Variants in CRELD1 observed in about 807,000 individuals in gnomAD.
CRELD1 encodes the protein CRELD disulfide isomerase 1, also known as protein disulfide isomerase CRELD1.
A neutral mutation model predicts 58.2 loss-of-function variants in CRELD1; 42 were observed. That is an observed-to-expected ratio of 0.72 (90% confidence interval 0.56 to 0.93). CRELD1 has a LOEUF of 0.93. Among genes scored for constraint, CRELD1 ranks in the 40% least tolerant of loss-of-function variants. CRELD1 has a pLI of 0.00. For missense variants in CRELD1, 500 were observed against 540.6 expected, an observed-to-expected ratio of 0.92 and a Z score of 0.74; for synonymous variants, 222 against 202.0, an observed-to-expected ratio of 1.10 and a Z score of -0.84.
intron 9 of CRELD1, 73 bp from the exon 10 acceptor site, chr3:9,943,308 G>A (rs575057703): frequency 6.3e-7 from 1 of 1,579,518 alleles, no homozygotes; most frequent in African/African-American, 1.8e-5. Flanking sequence ...GGAGTGTTGA[G>A]AGATGGACAA....
At position 9,934,966 on chromosome 3, in the gene CRELD1, C is replaced by T. The variant is rs2085131150; in HGVS notation, c.257+49C>T. ...GTGTATATTCCCCTCCCCGCCAAAT[C>T]TCTGCTCTGCTGGTGTAGGGCTAGG... On this transcript the variant is annotated intron_variant, in intron 3 of 10. Transcript: ENST00000452070. The T allele has an allele frequency of 2.0e-6, 3 of 1,473,648 alleles. No homozygotes were observed. In the East Asian group the frequency reaches 7.1e-5, roughly 35 times the overall value. 91.3% of individuals were successfully genotyped at this position (1,473,648 alleles called of 1,614,324 possible). A position where few individuals can be genotyped will look rare whatever the true frequency, so the allele number is the denominator to read the frequency against.
At chr3:9,942,744 C>T in intron 7 of CRELD1, 69 bp from the exon 8 acceptor site, 1 of 1,246,218 alleles carries the variant, frequency 8.0e-7, no homozygotes, top group Non-Finnish European at 1.2e-6. Flanking sequence ...GACCATTCCC[C>T]AACGGCTCTG....
At chr3:9,935,017 C>A in intron 3 of CRELD1, 100 bp downstream of exon 3, 1 of 958,038 alleles carries the variant, frequency 1.0e-6, no homozygotes, top group Non-Finnish European at 1.6e-6. Context: ...CTTATTCATT[C>A]AACAAATAGC....
At chr3:9,934,665 A>G in intron 2 of CRELD1, 53 bp downstream of exon 2, 1 of 1,590,546 alleles carries the variant, frequency 6.3e-7, no homozygotes, top group Non-Finnish European at 8.6e-7. Flanking sequence ...TAGAGTGGGG[A>G]ACTCTGGGAT....
At chr3:9,938,481 C>T (rs2085257190) in intron 5 of CRELD1, 2 of 229,300 alleles carry the variant, frequency 8.7e-6, no homozygotes, top group Non-Finnish European at 8.7e-6. Flanking sequence ...AAGAGCTGAA[C>T]TTACTACCAG....
chr3:9,935,055 C>A, intron 3 of CRELD1, 138 bp downstream of exon 3: 1 of 712,672 alleles, frequency 1.4e-6, no homozygotes, highest in Non-Finnish European at 2.3e-6. Flanking sequence ...TAGCAGTAAA[C>A]AAGGCAAGCA....
rs570260323 is a variant in CRELD1 at position 9,934,328 on chromosome 3, C to T, written c.-19-92C>T. The T allele has an allele frequency of 7.6e-5, 77 of 1,013,324 alleles. No individual in the cohort carries two copies. The Middle Eastern group carries it at 1.2e-3, about 15-fold the overall frequency. 62.8% of individuals were successfully genotyped at this position (1,013,324 alleles called of 1,614,324 possible). Reference sequence around the variant, plus strand: ...CTCTTTTGCTTGTAATAACGCAGATCCCAGCGCCACGGCACCTTAGAACAG... The same window carrying T: ...CTCTTTTGCTTGTAATAACGCAGATTCCAGCGCCACGGCACCTTAGAACAG... On this transcript the variant is annotated intron_variant, in intron 1 of 10. Transcript: ENST00000452070.
chr3:9,943,551 CAA>C, intron 10 of CRELD1, 36 bp downstream of exon 10: 1 of 1,613,644 alleles, frequency 6.2e-7, no homozygotes, highest in African/African-American at 1.3e-5. Context: ...GGTCCTCATT[CAA>C]AGAGAAGGCA....
Position 9,935,058 on chromosome 3 carries a change from G to A in CRELD1, c.257+141G>A, listed in dbSNP as rs540518593. 56 of 708,220 alleles carry A rather than the reference G, an allele frequency of 7.9e-5. 1 individual carries two copies. The South Asian group carries it at 8.4e-4, about 11-fold the overall frequency. 43.9% of individuals were successfully genotyped at this position (708,220 alleles called of 1,614,324 possible). A position where few individuals can be genotyped will look rare whatever the true frequency, so the allele number is the denominator to read the frequency against. ...ACATCTATAGTATAGCAGTAAACAA[G>A]GCAAGCAAAATGCCCCCTTCCTGGA... On this transcript the variant is annotated intron_variant, in intron 3 of 10. Coordinates refer to ENST00000452070, the MANE Select transcript of CRELD1 (RefSeq NM_001077415.3).
chr3:9,934,938 G>A, intron 3 of CRELD1, 21 bp downstream of exon 3: 1 of 1,590,774 alleles, frequency 6.3e-7, no homozygotes. Context: ...GCTGGGGGAA[G>A]GGGTGTATAT....
chr3:9,936,454 T>C (rs1400474620), intron 3 of CRELD1, among the ~76,000 whole-genome samples: 2 of 152,060 alleles, frequency 1.3e-5, no homozygotes, highest in African/African-American at 2.4e-5. Flanking sequence ...CAAATATTTA[T>C]ATATGTGTGT....
chr3:9,943,492 T>C lies in CRELD1; in HGVS notation c.1025T>C (p.Ile342Thr). 2 of 1,613,960 alleles carry C rather than the reference T, an allele frequency of 1.2e-6. No individual in the cohort carries two copies. Among genetic ancestry groups the C allele is most frequent in the Non-Finnish European group, 1.7e-6 (2 of 1,179,982 alleles). Residue 342 changes from isoleucine (I) to threonine (T), a missense_variant, in exon 10 of 11, where the codon ATC (isoleucine) becomes ACC (threonine). By Grantham distance (89) the Ile-to-Thr change is moderately conservative. Transcript: ENST00000452070. ...GAGGGCTACAAGCAGATGGAAGGCA[T>C]CTGTGTGAAGGAGCAGATCCCAGGT... ...CAEGYKQMEG[I>T]CVKEQIPESA...
chr3:9,934,189 G>A (rs2085092488), intron 1 of CRELD1: 1 of 561,410 alleles, frequency 1.8e-6, no homozygotes, highest in East Asian at 3.0e-5. Context: ...CAAGGAGCGA[G>A]GCCACTTTCC....
rs780815987 is a variant in CRELD1 at position 9,944,099 on chromosome 3, A to C, written c.1049-266A>C. ...CCGTGGAACGAGACTCATACACGTA[A>C]TAAATGCTCTGCCCCCAACTTGTCC... On this transcript the variant is annotated intron_variant, in intron 10 of 10. Coordinates refer to ENST00000452070, the MANE Select transcript of CRELD1 (RefSeq NM_001077415.3). 5.1e-6 allele frequency: 4 copies of C among 791,514 alleles called. No individual in the cohort carries two copies. The South Asian group carries it at 5.3e-5, about 11-fold the overall frequency. The allele number at this position is 791,514 out of a possible 1,614,324, so 49.0% of individuals were successfully genotyped here. A position where few individuals can be genotyped will look rare whatever the true frequency, so the allele number is the denominator to read the frequency against.
chr3:9,944,345 C>A lies in CRELD1; in HGVS notation c.1049-20C>A. On this transcript the variant is annotated intron_variant, in intron 10 of 10. Transcript: ENST00000452070. ...GAACAGGGATACGAGTGCCAGGCTG[C>A]ATCTCTTGCTCCTCTGCAGAGTCAG... The A allele has an allele frequency of 6.2e-7, 1 of 1,603,408 alleles. No individual in the cohort carries two copies. The highest frequency in any genetic ancestry group is 8.5e-7 in the Non-Finnish European group (1 of 1,170,534).
In CRELD1 at chr3:9,943,092, GC is replaced by G; in HGVS notation, c.835del (p.Leu279Ter). 1 of 1,613,870 alleles carries G rather than the reference GC, an allele frequency of 6.2e-7. No individual in the cohort carries two copies. Among genetic ancestry groups the G allele is most frequent in the Non-Finnish European group, 8.5e-7 (1 of 1,180,006 alleles). ...CTCTCTCCAGACTGTGCCAAGGCCTGCCTAGGCTGCATGGGGGCAGGGCCAG... is the reference window on the plus strand; with the variant it reads ...CTCTCTCCAGACTGTGCCAAGGCCTGCTAGGCTGCATGGGGGCAGGGCCAG... ...SYECRDCAKACLGCMGAGPGR... is the reference protein window; with the variant it reads ...SYECRDCAKAXLGCMGAGPGR... On this transcript the variant is annotated frameshift_variant, in exon 9 of 11. Coordinates refer to ENST00000452070, the MANE Select transcript of CRELD1 (RefSeq NM_001077415.3). LOFTEE classifies it high-confidence loss of function.
Position 9,944,397 on chromosome 3 carries a change from G to A in CRELD1, c.1081G>A (p.Asp361Asn). The change falls in exon 11 of 11, where the codon GAC (aspartate) becomes AAC (asparagine). Residue 361 changes from aspartate (D) to asparagine (N), a missense_variant. By Grantham distance (23) the Asp-to-Asn change is conservative. Coordinates refer to ENST00000452070, the MANE Select transcript of CRELD1 (RefSeq NM_001077415.3). Reference sequence around the variant, plus strand: ...AGGCTTCTTCTCAGAGATGACAGAAGACGAGTTGGTGGTGCTGCAGCAGAT... The same window carrying A: ...AGGCTTCTTCTCAGAGATGACAGAAAACGAGTTGGTGGTGCTGCAGCAGAT... ...SAGFFSEMTE[D>N]ELVVLQQMFF... is the part of the protein sequence containing the mutation. The A allele has an allele frequency of 6.2e-7, 1 of 1,614,134 alleles. No homozygotes were observed. Among genetic ancestry groups the A allele is most frequent in the East Asian group, 2.2e-5 (1 of 44,890 alleles).
chr3:9,944,969 C>T lies in CRELD1; in HGVS notation c.*390C>T. On this transcript the variant is annotated 3_prime_UTR_variant, in exon 11 of 11. Coordinates refer to ENST00000452070, the MANE Select transcript of CRELD1 (RefSeq NM_001077415.3). ...TTCCTGTTCTGTGTTCACCACATCCCCACACCCCATTGCCACTTATTTATT... is the reference window on the plus strand; with the variant it reads ...TTCCTGTTCTGTGTTCACCACATCCTCACACCCCATTGCCACTTATTTATT... The T allele has an allele frequency of 3.3e-6, 1 of 305,486 alleles. No homozygotes were observed. The highest frequency in any genetic ancestry group is 6.4e-6 in the Non-Finnish European group (1 of 157,016). 18.9% of individuals were successfully genotyped at this position (305,486 alleles called of 1,614,324 possible). A position where few individuals can be genotyped will look rare whatever the true frequency, so the allele number is the denominator to read the frequency against.
intron 10 of CRELD1, chr3:9,944,004 A>T: frequency 1.0e-6 from 1 of 959,990 alleles, no homozygotes; most frequent in East Asian, 2.4e-5. Flanking sequence ...ATGCAGAGAG[A>T]TGAAGCTACT....
Sources: gnomAD v4.1 joint callset for allele counts (sites outside exome capture counted in the v4.1 genomes callset) on GRCh38, gnomAD v4.1.1 for gene constraint, MANE v1.5 for transcripts, NCBI Gene and HGNC (gene_info 2026-07-23, HGNC 2026-07-21) for gene names.